Variants in DSCAM observed in about 807,000 individuals in gnomAD.
DSCAM encodes the protein cell adhesion molecule DSCAM.
Under a neutral mutation model 217.7 loss-of-function variants are expected in DSCAM, and 47 were observed. That is an observed-to-expected ratio of 0.22 (90% confidence interval 0.17 to 0.28). DSCAM has a LOEUF of 0.28. Ranked by LOEUF, DSCAM falls within the 10% of genes least tolerant of loss-of-function variation. The pLI, the probability that DSCAM is intolerant of heterozygous loss-of-function variation, is 1.00. For synonymous variants in DSCAM, 1,056 were observed against 1,015.3 expected, an observed-to-expected ratio of 1.04 and a Z score of -0.76; for missense variants, 2,080 against 2,618.3, an observed-to-expected ratio of 0.79 and a Z score of 4.49.
intron 3 of DSCAM, among the ~76,000 whole-genome samples, chr21:40,489,341 TG>T (rs2076055570): frequency 6.6e-6 from 1 of 152,212 alleles, no homozygotes; most frequent in East Asian, 1.9e-4. Context: ...AGTTCCTTCC[TG>T]GGTCCCCTGC....
intron 3 of DSCAM, among the ~76,000 whole-genome samples, chr21:40,660,924 T>C (rs1018279145): frequency 1.3e-5 from 2 of 152,174 alleles, no homozygotes; most frequent in African/African-American, 4.8e-5. Context: ...CATGGCAATG[T>C]TATCCTATTA....
intron 11 of DSCAM, among the ~76,000 whole-genome samples, chr21:40,234,403 A>C (rs2091407926): frequency 6.6e-6 from 1 of 152,220 alleles, no homozygotes; most frequent in African/African-American, 2.4e-5. Context: ...TGCAAGGATA[A>C]ATGAGATTAC....
chr21:40,634,766 C>T (rs9977327), intron 3 of DSCAM, among the ~76,000 whole-genome samples: 29,374 of 152,068 alleles, frequency 0.19, 3,510 homozygotes, highest in South Asian at 0.25. Context: ...GTGATTTTTC[C>T]GTTTTGGTAA....
At chr21:40,678,389 T>C (rs1343662840) in intron 3 of DSCAM, among the ~76,000 whole-genome samples, 3 of 152,218 alleles carry the variant, frequency 2.0e-5, no homozygotes, top group Non-Finnish European at 4.4e-5. Context: ...TTGGAGTCCC[T>C]GCACCGCCAT....
At chr21:40,039,067 A>G (rs2088688934) in intron 32 of DSCAM, among the ~76,000 whole-genome samples, 3 of 151,740 alleles carry the variant, frequency 2.0e-5, no homozygotes, top group Admixed American at 1.3e-4. Context: ...ACCTAATGCT[A>G]GATGACCAGT....
intron 3 of DSCAM, among the ~76,000 whole-genome samples, chr21:40,667,979 C>A (rs111985662): frequency 1.8e-4 from 27 of 152,254 alleles, no homozygotes; most frequent in African/African-American, 6.0e-4. Flanking sequence ...CTTATTTCCC[C>A]AGTACCTTCC....
intron 9 of DSCAM, among the ~76,000 whole-genome samples, chr21:40,301,006 T>C (rs1386394635): frequency 6.6e-6 from 1 of 152,154 alleles, no homozygotes; most frequent in Non-Finnish European, 1.5e-5. Context: ...GATTTTCTTT[T>C]CTCCCTTTCT....
intron 20 of DSCAM, among the ~76,000 whole-genome samples, chr21:40,105,427 T>C (rs1460344760): frequency 6.6e-6 from 1 of 152,222 alleles, no homozygotes; most frequent in African/African-American, 2.4e-5. Context: ...AACTGAATCA[T>C]GGGTGTGGTT....
At chr21:40,021,682 T>C (rs2088275566) in intron 32 of DSCAM, among the ~76,000 whole-genome samples, 1 of 152,226 alleles carries the variant, frequency 6.6e-6, no homozygotes, top group African/African-American at 2.4e-5. Flanking sequence ...CTGGGGACCT[T>C]CAGTGCCATT....
intron 1 of DSCAM, among the ~76,000 whole-genome samples, chr21:40,749,468 A>G: frequency 6.6e-6 from 1 of 152,202 alleles, no homozygotes; most frequent in South Asian, 2.1e-4. Context: ...AGCTATATGA[A>G]AAAATGCTCA....
chr21:40,651,741 T>TC (rs1471562285), intron 3 of DSCAM, among the ~76,000 whole-genome samples: 1 of 152,198 alleles, frequency 6.6e-6, no homozygotes, highest in Non-Finnish European at 1.5e-5. Context: ...GCTCAAGAAA[T>TC]ATCTTGGTTT....
intron 32 of DSCAM, among the ~76,000 whole-genome samples, chr21:40,020,723 T>G (rs1479187304): frequency 6.6e-6 from 1 of 152,210 alleles, no homozygotes; most frequent in Non-Finnish European, 1.5e-5. Flanking sequence ...CTCACCTACC[T>G]GCCCGCACTG....
At chr21:40,314,073 G>C (rs2074169955) in intron 8 of DSCAM, among the ~76,000 whole-genome samples, 1 of 152,196 alleles carries the variant, frequency 6.6e-6, no homozygotes, top group Non-Finnish European at 1.5e-5. Flanking sequence ...GTGTGTGGCA[G>C]CAGTGAACGT....
chr21:40,656,225 G>C (rs2090074129), intron 3 of DSCAM, among the ~76,000 whole-genome samples: 1 of 152,070 alleles, frequency 6.6e-6, no homozygotes, highest in Non-Finnish European at 1.5e-5. Context: ...ATTTCATTTT[G>C]TTCTTTCTAC....
chr21:40,800,295 T>C (rs1252657760), intron 1 of DSCAM, among the ~76,000 whole-genome samples: 5 of 152,040 alleles, frequency 3.3e-5, no homozygotes, highest in Admixed American at 6.6e-5. Context: ...AGACAGAAAA[T>C]TGGTACCAGG....
chr21:40,134,194 TG>T (rs2090184258), intron 18 of DSCAM, among the ~76,000 whole-genome samples, 185 bp from the exon 19 acceptor site: 1 of 152,158 alleles, frequency 6.6e-6, no homozygotes, highest in Non-Finnish European at 1.5e-5. Flanking sequence ...CGTGGCCCTT[TG>T]GAAAAGAACA....
intron 32 of DSCAM, among the ~76,000 whole-genome samples, chr21:40,042,160 T>C (rs2088763031): frequency 6.6e-6 from 1 of 152,182 alleles, no homozygotes; most frequent in Non-Finnish European, 1.5e-5. Flanking sequence ...GTACCCTCAC[T>C]AGGTCCCGCC....
chr21:40,454,810 T>C (rs1231423145), intron 3 of DSCAM, among the ~76,000 whole-genome samples: 1 of 152,078 alleles, frequency 6.6e-6, no homozygotes, highest in Non-Finnish European at 1.5e-5. Flanking sequence ...ACTTTGGTGA[T>C]GGGTACCTCT....
chr21:40,323,521 G>T (rs1019789274), intron 8 of DSCAM, among the ~76,000 whole-genome samples: 32 of 152,056 alleles, frequency 2.1e-4, no homozygotes, highest in African/African-American at 7.5e-4. Flanking sequence ...GATAGAAGAA[G>T]AATAAAAAAA....
Sources: allele counts gnomAD v4.1 joint callset (sites outside exome capture counted in the v4.1 genomes callset), GRCh38; gene constraint gnomAD v4.1.1; transcripts MANE v1.5; gene names NCBI Gene and HGNC (gene_info 2026-07-23, HGNC 2026-07-21).